GAK: variants seen among roughly 807,000 people sequenced by gnomAD.
GAK encodes cyclin-G-associated kinase.
Under a neutral mutation model 143.9 loss-of-function variants are expected in GAK, and 79 were observed. The observed-to-expected ratio is 0.55, with a 90% CI of 0.46 to 0.66. The LOEUF (loss-of-function observed/expected upper bound fraction) is 0.66, where lower values mean the gene tolerates loss of function less well. Among genes scored for constraint, GAK ranks in the 30% least tolerant of loss-of-function variants. GAK has a pLI of 0.00. For missense variants in GAK, 1,693 were observed against 1,779.7 expected (o/e 0.95, Z 0.88); for synonymous variants, 881 against 765.5 (o/e 1.15, Z -2.49).
intron 18 of GAK, among the ~76,000 whole-genome samples, chr4:874,415 C>A (rs1413756110): frequency 1.3e-5 from 2 of 152,202 alleles, no homozygotes; most frequent in Admixed American, 6.5e-5. Flanking sequence ...CAACAATCAA[C>A]TCTCTCATCC....
intron 18 of GAK, 135 bp from the exon 19 acceptor site, chr4:871,039 C>A: frequency 1.4e-6 from 1 of 732,460 alleles, no homozygotes; most frequent in Non-Finnish European, 2.1e-6. Context: ...GGGCAGCCGG[C>A]CACCCCCGCC....
chr4:890,231 G>A (rs900360657), intron 10 of GAK, among the ~76,000 whole-genome samples: 9 of 152,172 alleles, frequency 5.9e-5, no homozygotes, highest in African/African-American at 1.4e-4. Flanking sequence ...GAGCGAGGCC[G>A]CCTGGTCACT....
rs552906520 is a variant in GAK, at chr4:849,466, C to T, written c.*207G>A. The stretch of plus-strand genomic sequence containing the variant: ...GAGGAGCATGAATCAGCTGTTCCTT[C>T]GGGAGGAGAAAAAGGAAACAACAAT... On this transcript the variant is annotated 3_prime_UTR_variant, in exon 28 of 28. Coordinates refer to ENST00000314167, the MANE Select transcript of GAK (RefSeq NM_005255.4). 1.5e-4 allele frequency: 88 copies of T among 575,292 alleles called. No individual in the cohort carries two copies. Among genetic ancestry groups the T allele is most frequent in the Middle Eastern group, 4.7e-4 (1 of 2,150 alleles). The allele number at this position is 575,292 out of a possible 1,614,324, so 35.6% of individuals were successfully genotyped here. A position where few individuals can be genotyped will look rare whatever the true frequency, so the allele number is the denominator to read the frequency against.
Position 888,880 on chromosome 4 carries a change from T to C in GAK, c.1172A>G (p.Asp391Gly), listed in dbSNP as rs760679666. The change falls in exon 11 of 28, where the codon GAC (aspartate) becomes GGC (glycine). Residue 391 changes from aspartate (D) to glycine (G), a missense_variant. By Grantham distance (94) the Asp-to-Gly change is moderately conservative. This residue lies in a region of GAK where 871 missense variants were observed against 991.0 expected (regional missense o/e 0.88). Coordinates refer to ENST00000314167, the MANE Select transcript of GAK (RefSeq NM_005255.4). ...GTERLFTNLK[D>G]TSSKVIQSVA... ...GGACTGGATGACCTTGGAGGAGGTG[T>C]CCTTGAGGTTGGTGAAGAGCCGCTC... is the stretch of plus-strand genomic sequence containing the variant. The C allele has an allele frequency of 6.2e-7, 1 of 1,610,504 alleles. No homozygotes were observed. The highest frequency in any genetic ancestry group is 8.5e-7 in the Non-Finnish European group (1 of 1,178,918).
rs557390360 is a variant in GAK at position 903,423 on chromosome 4, G to A, written c.525+1214C>T. 3.5e-3 allele frequency among the ~76,000 whole-genome samples: 538 copies of A among 152,300 alleles called. 5 individuals carry two copies. Among genetic ancestry groups the A allele is most frequent in the Non-Finnish European group, 5.0e-3 (339 of 68,022 alleles). On this transcript the variant is annotated intron_variant, in intron 5 of 27. Transcript: ENST00000314167. ...TGAGTAGGCAAGGGGTCCGGCCCCC[G>A]ACCCCAGCGCCTGAGACAGGGCCAG...
At chr4:914,947 C>T (rs1289149142) in intron 1 of GAK, among the ~76,000 whole-genome samples, 8 of 139,686 alleles carry the variant, frequency 5.7e-5, no homozygotes, top group Non-Finnish European at 9.2e-5. Flanking sequence ...CACACAGCCC[C>T]AGCGTACACG....
chr4:876,673 C>A (rs1332976924), intron 17 of GAK, 64 bp from the exon 18 acceptor site: 8 of 1,383,558 alleles, frequency 5.8e-6, no homozygotes, highest in Non-Finnish European at 8.2e-6. Context: ...GGCCACAGGC[C>A]AATTTTTCCC....
chr4:912,103 G>C (rs560848317), intron 3 of GAK: 2 of 466,662 alleles, frequency 4.3e-6, no homozygotes, highest in Non-Finnish European at 8.5e-6. Context: ...CTGTGCGCAG[G>C]GAGGCTGCGG....
At chr4:909,826 G>T (rs1721726166) in intron 4 of GAK, among the ~76,000 whole-genome samples, 1 of 152,172 alleles carries the variant, frequency 6.6e-6, no homozygotes, top group African/African-American at 2.4e-5. Context: ...CCAGTTTGAC[G>T]TTTCAGAACA....
chr4:922,488 C>A (rs1218676786), intron 1 of GAK, among the ~76,000 whole-genome samples: 1 of 135,242 alleles, frequency 7.4e-6, no homozygotes, highest in Non-Finnish European at 1.5e-5. Flanking sequence ...GCACTCCAGT[C>A]TGGGTGACAG....
intron 1 of GAK, 133 bp from the exon 2 acceptor site, chr4:913,801 C>A: frequency 1.3e-6 from 1 of 743,560 alleles, no homozygotes; most frequent in Non-Finnish European, 2.3e-6. Context: ...AACATAATGG[C>A]CCCAGCGTAC....
intron 15 of GAK, 39 bp from the exon 16 acceptor site, chr4:877,848 TGA>T (rs759715287): frequency 3.3e-6 from 5 of 1,514,830 alleles, no homozygotes; most frequent in Non-Finnish European, 3.6e-6. Context: ...TGACGTGCCC[TGA>T]GAGGGGACCA....
intron 18 of GAK, among the ~76,000 whole-genome samples, chr4:875,259 A>C (rs1259223400): frequency 6.6e-6 from 1 of 152,172 alleles, no homozygotes; most frequent in Non-Finnish European, 1.5e-5. Flanking sequence ...TCTTCCTCCA[A>C]AGGAGGAAAA....
At chr4:921,133 C>T (rs1360375036) in intron 1 of GAK, among the ~76,000 whole-genome samples, 3 of 151,960 alleles carry the variant, frequency 2.0e-5, no homozygotes, top group Non-Finnish European at 4.4e-5. Flanking sequence ...GACGGAGTCT[C>T]GCTCTGTCAC....
At chr4:882,663 G>A in intron 14 of GAK, 34 bp downstream of exon 14, 1 of 1,604,270 alleles carries the variant, frequency 6.2e-7, no homozygotes, top group Middle Eastern at 1.7e-4. Context: ...AACTTTGACA[G>A]AAGACGGCGC....
intron 11 of GAK, chr4:886,241 C>T (rs1162901962): frequency 6.6e-6 from 1 of 152,278 alleles, no homozygotes; most frequent in Non-Finnish European, 1.5e-5. Context: ...TCCCACCATC[C>T]CCTAACAAGC....
At chr4:909,900 C>G (rs560484918) in intron 4 of GAK, among the ~76,000 whole-genome samples, 1 of 152,280 alleles carries the variant, frequency 6.6e-6, no homozygotes, top group Non-Finnish European at 1.5e-5. Flanking sequence ...GGCTACCTGG[C>G]AGCATCTCCT....
chr4:856,539 G>A (rs1423288151), intron 24 of GAK, among the ~76,000 whole-genome samples: 17 of 136,522 alleles, frequency 1.2e-4, no homozygotes, highest in African/African-American at 3.9e-4. Flanking sequence ...CACCACAGCT[G>A]CTCACACCTG....
chr4:898,613 G>A (rs568454017), intron 5 of GAK, among the ~76,000 whole-genome samples: 2 of 152,384 alleles, frequency 1.3e-5, no homozygotes, highest in East Asian at 3.9e-4. Context: ...TGTAATCCCA[G>A]CACTTTGGGA....
Sources: gnomAD v4.1 joint callset for allele counts (sites outside exome capture counted in the v4.1 genomes callset) on GRCh38, gnomAD v4.1.1 for gene constraint, gnomAD v4.1.1 regional missense constraint, MANE v1.5 for transcripts, NCBI Gene and HGNC (gene_info 2026-07-23, HGNC 2026-07-21) for gene names.